Variants in DSCAML1 observed in about 807,000 individuals in gnomAD.
DSCAML1 encodes the protein DS cell adhesion molecule like 1.
In DSCAML1, 38 loss-of-function variants were observed where a neutral mutation model predicts 200.5. The ratio of observed to expected loss-of-function variants is 0.19; its 90% CI spans 0.15 to 0.25. The LOEUF (loss-of-function observed/expected upper bound fraction) is 0.25, where lower values mean the gene tolerates loss of function less well. DSCAML1 is among the 10% of genes least tolerant of loss of function. The pLI is 1.00. For synonymous variants in DSCAML1, 1,215 were observed against 1,165.0 expected (o/e 1.04, Z -0.87); for missense variants, 2,223 against 2,858.8 (o/e 0.78, Z 5.07).
chr11:117,440,060 G>A, intron 21 of DSCAML1, 124 bp from the exon 22 acceptor site: 1 of 785,462 alleles, frequency 1.3e-6, no homozygotes, highest in South Asian at 1.7e-5. Context: ...CTCCACCTTG[G>A]GCTTTTGGTG....
At chr11:117,608,722 T>C (rs1316071543) in intron 3 of DSCAML1, among the ~76,000 whole-genome samples, 3 of 152,236 alleles carry the variant, frequency 2.0e-5, no homozygotes, top group East Asian at 1.9e-4. Context: ...TTTCTTAGGA[T>C]ACATTCATAG....
At chr11:117,796,966 G>C in intron 1 of DSCAML1, 68 bp downstream of exon 1, 1 of 1,186,992 alleles carries the variant, frequency 8.4e-7, no homozygotes, top group South Asian at 3.5e-5. Flanking sequence ...CGGGCACCCC[G>C]CCTCGCCGCC....
At chr11:117,454,319 T>C (rs1367352323) in intron 19 of DSCAML1, among the ~76,000 whole-genome samples, 3 of 152,254 alleles carry the variant, frequency 2.0e-5, no homozygotes, top group African/African-American at 4.8e-5. Flanking sequence ...TGAAGTTTAA[T>C]GTTTCTTACC....
intron 3 of DSCAML1, among the ~76,000 whole-genome samples, chr11:117,730,667 C>T (rs1164192592): frequency 6.6e-6 from 1 of 152,190 alleles, no homozygotes; most frequent in African/African-American, 2.4e-5. Context: ...AGAGGTTAAA[C>T]AGCATTCCCA....
intron 3 of DSCAML1, 69 bp downstream of exon 3, chr11:117,776,722 C>T: frequency 1.3e-6 from 2 of 1,576,070 alleles, no homozygotes; most frequent in South Asian, 1.1e-5. Flanking sequence ...CCAGCTCAGG[C>T]ATCTCTACTT....
intron 20 of DSCAML1, among the ~76,000 whole-genome samples, chr11:117,447,430 A>G (rs1299232552): frequency 2.0e-5 from 3 of 152,206 alleles, no homozygotes; most frequent in Non-Finnish European, 2.9e-5. Flanking sequence ...AACCTGTACT[A>G]TGTGTACAGA....
chr11:117,763,241 C>T (rs929590536), intron 3 of DSCAML1, among the ~76,000 whole-genome samples: 4 of 152,018 alleles, frequency 2.6e-5, no homozygotes, highest in Non-Finnish European at 2.9e-5. Flanking sequence ...GGGGAGCTTT[C>T]GAAAACCCCC....
chr11:117,709,994 T>A (rs2053818973), intron 3 of DSCAML1, among the ~76,000 whole-genome samples: 1 of 152,180 alleles, frequency 6.6e-6, no homozygotes, highest in Admixed American at 6.5e-5. Flanking sequence ...CTCAGTGCAG[T>A]CCTGCTGTTG....
At chr11:117,542,355 A>AC (rs777180049) in intron 3 of DSCAML1, among the ~76,000 whole-genome samples, 16,838 of 150,180 alleles carry the variant, frequency 0.11, 1,100 homozygotes, top group East Asian at 0.13. Context: ...AACAACAACA[A>AC]AAAAAAAACA....
At position 117,481,170 on chromosome 11, in the gene DSCAML1, G is replaced by T; in HGVS notation, c.2656+4C>A. The T allele has an allele frequency of 6.2e-7, 1 of 1,613,702 alleles. No individual in the cohort carries two copies. The highest frequency in any genetic ancestry group is 8.5e-7 in the Non-Finnish European group (1 of 1,179,848). Reference sequence around the variant, plus strand: ...GATGGGAAGGGTGGGGCAGGTGAAGGTACCTTGCACAGTGAGTTGGATCAA... The same window carrying T: ...GATGGGAAGGGTGGGGCAGGTGAAGTTACCTTGCACAGTGAGTTGGATCAA... On this transcript the variant is annotated splice_donor_region_variant and intron_variant, in intron 13 of 32. Transcript: ENST00000651296.
chr11:117,593,329 G>A (rs974894341), intron 3 of DSCAML1, among the ~76,000 whole-genome samples: 2 of 152,194 alleles, frequency 1.3e-5, no homozygotes, highest in Non-Finnish European at 2.9e-5. Flanking sequence ...ATTCCCCAAA[G>A]CAGCCACAGA....
At chr11:117,769,500 A>T (rs182207649) in intron 3 of DSCAML1, among the ~76,000 whole-genome samples, 4,185 of 9,098 alleles carry the variant, frequency 0.46, 532 homozygotes, top group South Asian at 0.52. Context: ...TTATATATAT[A>T]ATATATATTT....
At chr11:117,605,217 C>T (rs975893617) in intron 3 of DSCAML1, among the ~76,000 whole-genome samples, 1 of 152,056 alleles carries the variant, frequency 6.6e-6, no homozygotes, top group African/African-American at 2.4e-5. Context: ...AGATCAGCAC[C>T]ACTCTTCTCC....
chr11:117,571,119 C>T (rs148405221), intron 3 of DSCAML1, among the ~76,000 whole-genome samples: 45 of 152,340 alleles, frequency 3.0e-4, no homozygotes, highest in African/African-American at 9.4e-4. Context: ...CTGGTGGGGA[C>T]GATGTCGGGA....
intron 3 of DSCAML1, among the ~76,000 whole-genome samples, chr11:117,690,840 G>A (rs2053481460): frequency 1.3e-5 from 2 of 152,202 alleles, no homozygotes; most frequent in African/African-American, 4.8e-5. Flanking sequence ...AGAGGGTGTG[G>A]GAGAGTAGAG....
chr11:117,572,243 C>A (rs746657399), intron 3 of DSCAML1, among the ~76,000 whole-genome samples: 4 of 152,214 alleles, frequency 2.6e-5, no homozygotes, highest in Admixed American at 6.5e-5. Context: ...ACATTCTTGC[C>A]TTCCTCTTCT....
rs138393113 is a variant in DSCAML1 at position 117,548,260 on chromosome 11, C to T, written c.512-15738G>A. On this transcript the variant is annotated intron_variant, in intron 3 of 32. Transcript: ENST00000651296. The stretch of plus-strand genomic sequence containing the variant: ...GCCTTCTTGGGCTAAGGGTTTTCTT[C>T]TTCCCCTCTAACAGTCAAGGAAGCT... Among the ~76,000 whole-genome samples, 574 of 152,338 alleles carry T rather than the reference C, an allele frequency of 3.8e-3. 2 individuals are homozygous for T. Among genetic ancestry groups the T allele is most frequent in the Non-Finnish European group, 5.5e-3 (371 of 68,036 alleles).
Position 117,521,239 on chromosome 11 carries a change from G to T in DSCAML1, c.1104C>A (p.Asn368Lys), listed in dbSNP as rs539473354. The T allele has an allele frequency of 6.2e-7, 1 of 1,614,202 alleles. No individual in the cohort carries two copies. Among genetic ancestry groups the T allele is most frequent in the Non-Finnish European group, 8.5e-7 (1 of 1,180,032 alleles). Reference sequence around the variant, plus strand: ...GGGCCGAGGTGATGAGCAGCGTCTCGTTGCTGAGCCCGCGGATGGAGATGG... The same window carrying T: ...GGGCCGAGGTGATGAGCAGCGTCTCTTTGCTGAGCCCGCGGATGGAGATGG... The part of the protein sequence containing the change: ...DEAISIRGLS[N>K]ETLLITSAQK... The change falls in exon 6 of 33, where the codon AAC becomes AAA. Residue 368 changes from asparagine to lysine, a missense_variant. By Grantham distance (94) the Asn-to-Lys change is moderately conservative. Around this residue, in one of 7 missense-constraint regions of DSCAML1, gnomAD observed 579 missense variants for 721.5 expected, o/e 0.80. Transcript: ENST00000651296.
intron 3 of DSCAML1, among the ~76,000 whole-genome samples, chr11:117,672,121 A>AAAAAAAAAAAG (rs1555196996): frequency 6.8e-6 from 1 of 147,474 alleles, no homozygotes; most frequent in Admixed American, 6.8e-5. Context: ...AAAAAAAAAA[A>AAAAAAAAAAAG]AAGAAGAAAC....
Sources: gnomAD v4.1 joint callset for allele counts (sites outside exome capture counted in the v4.1 genomes callset) on GRCh38, gnomAD v4.1.1 for gene constraint, gnomAD v4.1.1 regional missense constraint, MANE v1.5 for transcripts, NCBI Gene and HGNC (gene_info 2026-07-23, HGNC 2026-07-21) for gene names.